Variants in STEEP1 observed in about 807,000 individuals in gnomAD.
STEEP1 encodes the protein STING1 ER exit protein 1.
A neutral mutation model predicts 19.2 loss-of-function variants in STEEP1; 3 were observed. The ratio of observed to expected loss-of-function variants is 0.16; its 90% CI spans 0.07 to 0.40. The LOEUF (loss-of-function observed/expected upper bound fraction) is 0.40. Among genes scored for constraint, STEEP1 ranks in the 10% least tolerant of loss-of-function variants. The pLI is 0.99. For missense variants in STEEP1, 54 were observed against 177.1 expected (o/e 0.30, Z 3.94); for synonymous variants, 46 against 63.7 (o/e 0.72, Z 1.32).
At position 119,544,342 on chromosome X, in the gene STEEP1, A is replaced by C. The variant is rs770441157; in HGVS notation, c.423+11T>G. 1 of 1,201,181 alleles carries C rather than the reference A, an allele frequency of 8.3e-7. No homozygotes were observed. The highest frequency in any genetic ancestry group is 1.8e-5 in the South Asian group (1 of 56,473). ...GCTATATTAAGCAGTCTCTCCTTCA[A>C]TGGTAATTACCTTCTTAGGAGGCTC... is the stretch of plus-strand genomic sequence containing the variant. On this transcript the variant is annotated intron_variant, in intron 4 of 6. Transcript: ENST00000644802.
intron 5 of STEEP1, among the ~76,000 whole-genome samples, 194 bp from the exon 6 acceptor site, chrX:119,541,614 G>A (rs1331698059): frequency 8.9e-6 from 1 of 112,170 alleles, no homozygotes. Context: ...TTGTTTGTTT[G>A]TTTGTTTTGA....
chrX:119,544,008 C>T (rs1042168479), intron 4 of STEEP1, among the ~76,000 whole-genome samples: 3 of 110,945 alleles, frequency 2.7e-5, no homozygotes, highest in African/African-American at 9.8e-5. Context: ...AAAAATGGCA[C>T]CCGATTAATA....
intron 2 of STEEP1, among the ~76,000 whole-genome samples, chrX:119,554,382 T>C (rs2053264539): frequency 9.0e-6 from 1 of 110,903 alleles, no homozygotes; most frequent in African/African-American, 3.3e-5. Flanking sequence ...GAGGTGGAGG[T>C]TGCAGTGAGC....
At chrX:119,542,825 G>C (rs1304330692) in intron 4 of STEEP1, 2 of 277,449 alleles carry the variant, frequency 7.2e-6, no homozygotes, top group Admixed American at 6.2e-5. Context: ...TTTTGAAATA[G>C]CATCTCACTC....
chrX:119,545,842 G>A (rs1054841302), intron 2 of STEEP1, among the ~76,000 whole-genome samples: 6 of 104,538 alleles, frequency 5.7e-5, no homozygotes, highest in East Asian at 3.0e-4. Context: ...GCGGTGAGCC[G>A]AGAGCGAGCC....
At chrX:119,556,598 AAG>A (rs2053280327) in intron 2 of STEEP1, among the ~76,000 whole-genome samples, 2 of 108,721 alleles carry the variant, frequency 1.8e-5, no homozygotes, top group African/African-American at 6.7e-5. Context: ...AAAAAAAAAA[AAG>A]AGTGTCAGAG....
At chrX:119,553,022 C>T (rs1246137401) in intron 2 of STEEP1, among the ~76,000 whole-genome samples, 7 of 109,725 alleles carry the variant, frequency 6.4e-5, no homozygotes, top group African/African-American at 2.0e-4. Context: ...GGTATGATGG[C>T]GGGTGCCTGT....
rs768715443 is a variant in STEEP1, at chrX:119,553,166, AGT to A, written c.242+7100_242+7101del. Among the ~76,000 whole-genome samples the A allele has an allele frequency of 5.7e-3, 323 of 57,022 alleles. 5 individuals are homozygous for A. The highest frequency in any genetic ancestry group is 7.0e-3 in the Non-Finnish European group (179 of 25,487). 49.5% of individuals were successfully genotyped at this position (57,022 alleles called of 115,157 possible). On this transcript the variant is annotated intron_variant, in intron 2 of 6. Transcript: ENST00000644802. ...GAGACTGTCTCAAAAAAAAAAAAAA[AGT>A]GGAAAACAGAAACGAAATCTCTGAG... is the stretch of plus-strand genomic sequence containing the variant.
At chrX:119,558,920 T>C (rs1603306792) in intron 2 of STEEP1, among the ~76,000 whole-genome samples, 1 of 110,605 alleles carries the variant, frequency 9.0e-6, no homozygotes, top group South Asian at 3.7e-4. Context: ...CACCCCTGCT[T>C]AAAAAACAGA....
chrX:119,561,723 C>T (rs2053322164), intron 1 of STEEP1, among the ~76,000 whole-genome samples: 1 of 108,341 alleles, frequency 9.2e-6, no homozygotes, highest in Non-Finnish European at 1.9e-5. Flanking sequence ...AAATTAAGCA[C>T]CTAAAGGATC....
chrX:119,551,239 G>A (rs2053239641), intron 2 of STEEP1, among the ~76,000 whole-genome samples: 1 of 110,470 alleles, frequency 9.1e-6, no homozygotes, highest in South Asian at 3.9e-4. Context: ...CCAGCACTCT[G>A]GGAGGCCAAG....
chrX:119,555,421 T>C (rs1391530139), intron 2 of STEEP1, among the ~76,000 whole-genome samples: 2 of 110,956 alleles, frequency 1.8e-5, no homozygotes, highest in Admixed American at 9.8e-5. Flanking sequence ...TGGATTGGGC[T>C]AGACTCCTCC....
intron 2 of STEEP1, among the ~76,000 whole-genome samples, chrX:119,559,103 A>G (rs1363131037): frequency 9.1e-6 from 1 of 110,091 alleles, no homozygotes; most frequent in Non-Finnish European, 1.9e-5. Context: ...CTGAAATCCC[A>G]GCTACTCAGG....
intron 1 of STEEP1, among the ~76,000 whole-genome samples, chrX:119,561,567 C>G (rs1043375861): frequency 9.1e-6 from 1 of 109,948 alleles, no homozygotes; most frequent in South Asian, 3.9e-4. Flanking sequence ...AGTTGGGAAG[C>G]TGAGGCAGGA....
At position 119,548,968 on chromosome X, in the gene STEEP1, G is replaced by A. The variant is rs778298809; in HGVS notation, c.243-3464C>T. Among the ~76,000 whole-genome samples the A allele has an allele frequency of 8.9e-5, 10 of 112,052 alleles. No individual in the cohort carries two copies. The South Asian group carries it at 3.7e-3, about 41-fold the overall frequency. On this transcript the variant is annotated intron_variant, in intron 2 of 6. Transcript: ENST00000644802. ...GAGGACATTATGCTAAATGAAATAA[G>A]CCAAACACAGAAAGACAAATACTAC...
intron 3 of STEEP1, among the ~76,000 whole-genome samples, 171 bp from the exon 4 acceptor site, chrX:119,544,662 C>T (rs1000374092): frequency 4.5e-5 from 5 of 112,332 alleles, no homozygotes; most frequent in East Asian, 2.8e-4. Flanking sequence ...TCACTTAGGC[C>T]GGGCGTGGTG....
In STEEP1 at chrX:119,560,281, T is replaced by G. The variant is rs148441214; in HGVS notation, c.229A>C (p.Met77Leu). 1 of 1,198,312 alleles carries G rather than the reference T, an allele frequency of 8.3e-7. No individual in the cohort carries two copies. The highest frequency in any genetic ancestry group is 1.8e-5 in the African/African-American group (1 of 57,060). Residue 77 changes from methionine (M) to leucine (L), a missense_variant, in exon 2 of 7, where the codon ATG (methionine) becomes CTG (leucine). Met to Leu is a conservative substitution (Grantham distance 15, BLOSUM62 2). Transcript: ENST00000644802. The stretch of plus-strand genomic sequence containing the variant: ...TCAACCTCTTACCTCCGCAGATACA[T>G]AGTCTCCTCATCTTCTGTGTTACAA... Reference protein sequence around the residue: ...KFCNTEDEETMYLRRPEGIER... With the variant: ...KFCNTEDEETLYLRRPEGIER...
At chrX:119,565,053 AG>A in intron 1 of STEEP1, 178 bp downstream of exon 1, 1 of 604,354 alleles carries the variant, frequency 1.7e-6, no homozygotes, top group Non-Finnish European at 2.2e-6. Flanking sequence ...AACAAAAAGC[AG>A]GAAAAAAAAA....
chrX:119,564,502 A>AG (rs1338389118), intron 1 of STEEP1, among the ~76,000 whole-genome samples: 29 of 48,904 alleles, frequency 5.9e-4, no homozygotes, highest in Non-Finnish European at 1.1e-3. Context: ...TCTGAAAAAA[A>AG]AGGGGGGGGG....
Sources: gnomAD v4.1 joint callset for allele counts (sites outside exome capture counted in the v4.1 genomes callset) on GRCh38, gnomAD v4.1.1 for gene constraint, MANE v1.5 for transcripts, NCBI Gene and HGNC (gene_info 2026-07-23, HGNC 2026-07-21) for gene names.